Variants in POLR2B observed in about 807,000 individuals in gnomAD.
POLR2B encodes RNA polymerase II subunit B, also known as DNA-directed RNA polymerase II subunit RPB2.
A neutral mutation model predicts 144.6 loss-of-function variants in POLR2B; 57 were observed. That is an observed-to-expected ratio of 0.39 (90% CI 0.32 to 0.49). The LOEUF (loss-of-function observed/expected upper bound fraction) is 0.49, where lower values mean the gene tolerates loss of function less well. POLR2B is among the 20% of genes least tolerant of loss of function. The pLI, the probability that POLR2B is intolerant of heterozygous loss-of-function variation, is 0.83. For synonymous variants in POLR2B, 442 were observed against 469.8 expected, an observed-to-expected ratio of 0.94 and a Z score of 0.77; for missense variants, 595 against 1,467.4, an observed-to-expected ratio of 0.41 and a Z score of 9.71.
chr4:57,006,059 A>G (rs997912937), intron 9 of POLR2B, among the ~76,000 whole-genome samples: 8 of 152,226 alleles, frequency 5.3e-5, no homozygotes, highest in African/African-American at 1.9e-4. Flanking sequence ...AGATAAATAT[A>G]TAAAAATACT....
intron 1 of POLR2B, among the ~76,000 whole-genome samples, chr4:56,983,507 G>C (rs959256875): frequency 6.6e-6 from 1 of 151,640 alleles, no homozygotes; most frequent in African/African-American, 2.4e-5. Flanking sequence ...GAGTAGCTGG[G>C]ATTTCAGGGA....
chr4:57,017,215 A>G lies in POLR2B; in HGVS notation c.2128A>G (p.Ile710Val), dbSNP rs1000276015. ...AATGATCCTTGGTGTCTGTGCATCT[A>G]TTATTCCCTTTCCTGATCATAACCA... ...PSMILGVCAS[I>V]IPFPDHNQSP... The change falls in exon 15 of 25, where the codon ATT becomes GTT. Residue 710 changes from isoleucine (I) to valine (V), a missense_variant. Transcript: ENST00000314595. The surrounding 1 kb of genome is among the most constrained non-coding windows in gnomAD (Gnocchi z 4.8). The G allele has an allele frequency of 6.2e-6, 10 of 1,612,558 alleles. No homozygotes were observed. Among genetic ancestry groups the G allele is most frequent in the African/African-American group, 1.3e-5 (1 of 74,984 alleles).
chr4:57,026,828 T>A (rs1191872290), intron 23 of POLR2B, among the ~76,000 whole-genome samples: 1 of 152,212 alleles, frequency 6.6e-6, no homozygotes, highest in East Asian at 1.9e-4. Context: ...CAGATGAATT[T>A]AGTGACAAGA....
chr4:56,986,276 CTACT>C, intron 1 of POLR2B, 74 bp from the exon 2 acceptor site: 1 of 844,284 alleles, frequency 1.2e-6, no homozygotes, highest in Non-Finnish European at 2.1e-6. Flanking sequence ...TATGTTTCTG[CTACT>C]TAAAGTCATA....
chr4:57,016,729 A>G (rs997426595), intron 14 of POLR2B, among the ~76,000 whole-genome samples: 17 of 149,864 alleles, frequency 1.1e-4, no homozygotes, highest in African/African-American at 3.4e-4. Flanking sequence ...CATTCAAACA[A>G]TATGTATGAT....
rs536848219 is a variant in POLR2B, at chr4:57,021,040, A to G, written c.2420+45A>G. On this transcript the variant is annotated intron_variant, in intron 17 of 24. Transcript: ENST00000314595. Reference sequence around the variant, plus strand: ...GTCAAAACACAGATACAGTGGAAACACTAATTTTTTATGCAAAAAAAGTTC... The same window carrying G: ...GTCAAAACACAGATACAGTGGAAACGCTAATTTTTTATGCAAAAAAAGTTC... 3.9e-6 allele frequency: 4 copies of G among 1,036,550 alleles called. No homozygotes were observed. The African/African-American group carries it at 6.3e-5, about 16-fold the overall frequency. 64.2% of individuals were successfully genotyped at this position (1,036,550 alleles called of 1,614,324 possible).
rs1000009816 is a variant in POLR2B at position 57,020,284 on chromosome 4, G to A, written c.2324-615G>A. ...CTTGACCTTGTGATCCACCTGCCTC[G>A]GCCTCCCAAAGTGCTGGGATTACAG... On this transcript the variant is annotated intron_variant, in intron 16 of 24. Transcript: ENST00000314595. Among the ~76,000 whole-genome samples, 7 of 152,032 alleles carry A rather than the reference G, an allele frequency of 4.6e-5. No homozygotes were observed. The South Asian group carries it at 6.2e-4, about 14-fold the overall frequency.
chr4:57,025,795 C>T (rs554319860), intron 23 of POLR2B, among the ~76,000 whole-genome samples: 5 of 152,176 alleles, frequency 3.3e-5, no homozygotes, highest in Admixed American at 6.5e-5. Flanking sequence ...TCCCTGCAGC[C>T]TTGAACTGGG....
Position 57,030,351 on chromosome 4 carries a change from C to T in POLR2B, c.3387C>T (p.Asn1129=). 1 of 1,614,032 alleles carries T rather than the reference C, an allele frequency of 6.2e-7. No individual in the cohort carries two copies. Among genetic ancestry groups the T allele is most frequent in the Non-Finnish European group, 8.5e-7 (1 of 1,179,936 alleles). Residue 1129 remains asparagine (N), a synonymous_variant, in exon 24 of 25, where the codon AAC becomes AAT. Coordinates refer to ENST00000314595, the MANE Select transcript of POLR2B (RefSeq NM_000938.3). ...CNLCGIMAIA[N]TRTHTYECRG... ...TTTGTGGAATAATGGCGATTGCCAA[C>T]ACCAGGACCCATACATATGAATGCA... is the stretch of plus-strand genomic sequence containing the variant.
chr4:56,987,925 C>CA (rs1019169327), intron 2 of POLR2B, among the ~76,000 whole-genome samples: 3 of 150,296 alleles, frequency 2.0e-5, no homozygotes, highest in Admixed American at 1.3e-4. Context: ...CAGAATCTTA[C>CA]AAAAAAAAGT....
chr4:57,008,454 G>A (rs1271488289), intron 10 of POLR2B, among the ~76,000 whole-genome samples: 6 of 152,098 alleles, frequency 3.9e-5, no homozygotes, highest in Admixed American at 6.5e-5. Context: ...TGCCCGCCTC[G>A]GCCTCCCGAA....
Position 57,023,948 on chromosome 4 carries a change from G to A in POLR2B, c.2857-57G>A, listed in dbSNP as rs1723630057. Reference sequence around the variant, plus strand: ...GTAATTCAGTTGGGAGAACTGAAATGTCAGTTCTAGTTTAGTATATGTATC... The same window carrying A: ...GTAATTCAGTTGGGAGAACTGAAATATCAGTTCTAGTTTAGTATATGTATC... On this transcript the variant is annotated intron_variant, in intron 20 of 24. Coordinates refer to ENST00000314595, the MANE Select transcript of POLR2B (RefSeq NM_000938.3). This position sits in a 1 kb window ranked among gnomAD's most constrained non-coding sequence, Gnocchi z 4.3. 4.1e-6 allele frequency: 4 copies of A among 972,760 alleles called. No homozygotes were observed. The South Asian group carries it at 6.3e-5, about 15-fold the overall frequency. 60.3% of individuals were successfully genotyped at this position (972,760 alleles called of 1,614,324 possible). A position where few individuals can be genotyped will look rare whatever the true frequency, so the allele number is the denominator to read the frequency against.
Position 57,025,008 on chromosome 4 carries a change from G to T in POLR2B, c.3078+9G>T. ...ATCTCAGAGGAAATGAGGTATATTTGCTCTTATAGTAGTAATTTGCCACTT... is the reference window on the plus strand; with the variant it reads ...ATCTCAGAGGAAATGAGGTATATTTTCTCTTATAGTAGTAATTTGCCACTT... On this transcript the variant is annotated intron_variant, in intron 22 of 24. Transcript: ENST00000314595. The T allele has an allele frequency of 1.5e-6, 2 of 1,311,520 alleles. No individual in the cohort carries two copies. The highest frequency in any genetic ancestry group is 2.2e-6 in the Non-Finnish European group (2 of 921,328). The allele number at this position is 1,311,520 out of a possible 1,614,324, so 81.2% of individuals were successfully genotyped here.
rs1179552926 is a variant in POLR2B, at chr4:57,008,205, G to GTT, written c.1404+1203_1404+1204insTT. 2.9e-3 allele frequency among the ~76,000 whole-genome samples: 190 copies of GTT among 64,812 alleles called. 1 individual carries two copies. Among genetic ancestry groups the GTT allele is most frequent in the African/African-American group, 9.2e-3 (185 of 20,126 alleles). 42.5% of individuals were successfully genotyped at this position (64,812 alleles called of 152,430 possible). ...CATTGCAAATTCAGTTCAAGGAATTGGTTTTTTTTTTTTTTTTGAGACAGA... is the reference window on the plus strand; with the variant it reads ...CATTGCAAATTCAGTTCAAGGAATTGTTGTTTTTTTTTTTTTTTTGAGACAGA... On this transcript the variant is annotated intron_variant, in intron 10 of 24. Coordinates refer to ENST00000314595, the MANE Select transcript of POLR2B (RefSeq NM_000938.3).
At chr4:56,996,622 A>G (rs138317451) in intron 6 of POLR2B, among the ~76,000 whole-genome samples, 66 of 152,122 alleles carry the variant, frequency 4.3e-4, no homozygotes, top group Middle Eastern at 6.8e-3. Flanking sequence ...GTGGGATGCA[A>G]TGTGATATTT....
rs759434372 is a variant in POLR2B at position 57,025,011 on chromosome 4, C to A, written c.3078+12C>A. 60 of 1,281,486 alleles carry A rather than the reference C, an allele frequency of 4.7e-5. No individual in the cohort carries two copies. The highest frequency in any genetic ancestry group is 6.6e-5 in the Non-Finnish European group (59 of 899,486). The allele number at this position is 1,281,486 out of a possible 1,614,324, so 79.4% of individuals were successfully genotyped here. A position where few individuals can be genotyped will look rare whatever the true frequency, so the allele number is the denominator to read the frequency against. ...TCAGAGGAAATGAGGTATATTTGCT[C>A]TTATAGTAGTAATTTGCCACTTGTT... On this transcript the variant is annotated intron_variant, in intron 22 of 24. Coordinates refer to ENST00000314595, the MANE Select transcript of POLR2B (RefSeq NM_000938.3).
At chr4:56,979,564 T>G (rs948599593) in intron 1 of POLR2B, among the ~76,000 whole-genome samples, 1 of 152,192 alleles carries the variant, frequency 6.6e-6, no homozygotes. Flanking sequence ...GTCACAGTTC[T>G]CAGATGATAT....
At chr4:56,982,259 C>G (rs1722176151) in intron 1 of POLR2B, among the ~76,000 whole-genome samples, 2 of 152,068 alleles carry the variant, frequency 1.3e-5, no homozygotes, top group South Asian at 4.2e-4. Flanking sequence ...CTCCTGTCTT[C>G]TCTGTCTCGG....
chr4:56,992,492 A>AGG (rs1553909604), intron 3 of POLR2B, among the ~76,000 whole-genome samples: 1 of 88,482 alleles, frequency 1.1e-5, no homozygotes, highest in Non-Finnish European at 2.1e-5. Flanking sequence ...AAAAAAAAAA[A>AGG]GAAAAGAAAA....
Sources: allele counts gnomAD v4.1 joint callset (sites outside exome capture counted in the v4.1 genomes callset), GRCh38; gene constraint gnomAD v4.1.1; non-coding constraint Gnocchi (gnomAD v3.1); transcripts MANE v1.5; gene names NCBI Gene and HGNC (gene_info 2026-07-23, HGNC 2026-07-21).